The following RPGRIP1 variants were observed in gnomAD, a reference collection of about 807,000 sequenced individuals.
The protein encoded by RPGRIP1 is RPGR interacting protein 1, also known as X-linked retinitis pigmentosa GTPase regulator-interacting protein 1.
Under a neutral mutation model 157.9 loss-of-function variants are expected in RPGRIP1, and 128 were observed. The ratio of observed to expected loss-of-function variants is 0.81; its 90% CI spans 0.70 to 0.94. The LOEUF (loss-of-function observed/expected upper bound fraction) is 0.94, where lower values mean the gene tolerates loss of function less well. Ranked by LOEUF, RPGRIP1 falls within the 40% of genes least tolerant of loss-of-function variation. The probability of loss-of-function intolerance (pLI) is 0.00; values close to 1 mark genes in which losing one functional copy is unlikely to be tolerated. For synonymous variants in RPGRIP1, 554 were observed against 571.6 expected (o/e 0.97, Z 0.44); for missense variants, 1,486 against 1,545.8 (o/e 0.96, Z 0.65).
In RPGRIP1 at chr14:21,301,173, C is replaced by T; in HGVS notation, c.426C>T (p.Arg142=). The T allele has an allele frequency of 1.3e-6, 2 of 1,595,094 alleles. No individual in the cohort carries two copies. The highest frequency in any genetic ancestry group is 1.7e-6 in the Non-Finnish European group (2 of 1,171,366). ...GPASPRRAQP[R]VQVGHRQLHT... ...CCAGCCCCCGCCGCGCCCAGCCTCG[C>T]GTCCAAGTGGGACACAGACAGCTCC... Residue 142 remains arginine (R), a synonymous_variant, in exon 4 of 25, where the codon CGC becomes CGT. Transcript: ENST00000400017.
At chr14:21,311,067 A>G (rs1053194871) in intron 8 of RPGRIP1, 9 of 412,292 alleles carry the variant, frequency 2.2e-5, no homozygotes, top group African/African-American at 1.8e-4. Flanking sequence ...GTTCCAAACG[A>G]GACCACCCAG....
Position 21,281,706 on chromosome 14 carries a change from ATAAT to A in RPGRIP1, c.-39+1548_-39+1551del, listed in dbSNP as rs1295458680. On this transcript the variant is annotated intron_variant, in intron 1 of 24. Coordinates refer to ENST00000400017, the MANE Select transcript of RPGRIP1 (RefSeq NM_020366.4). ...CTTGTCTCAAAAAAAAAAAAAATAA[ATAAT>A]AATAATAATAATAATAATAATAATA... is the stretch of plus-strand genomic sequence containing the variant. Among the ~76,000 whole-genome samples the A allele has an allele frequency of 2.5e-3, 340 of 136,104 alleles. 4 individuals carry two copies. Among genetic ancestry groups the A allele is most frequent in the African/African-American group, 8.0e-3 (258 of 32,448 alleles). 89.3% of individuals were successfully genotyped at this position (136,104 alleles called of 152,430 possible).
intron 20 of RPGRIP1, among the ~76,000 whole-genome samples, chr14:21,331,219 T>G (rs1355826102): frequency 6.6e-6 from 1 of 151,572 alleles, no homozygotes; most frequent in Non-Finnish European, 1.5e-5. Context: ...TAGTTTTGAT[T>G]TTCTCATTAA....
chr14:21,323,702 C>T (rs911095323), intron 14 of RPGRIP1, among the ~76,000 whole-genome samples: 2 of 151,998 alleles, frequency 1.3e-5, no homozygotes, highest in Admixed American at 6.6e-5. Flanking sequence ...GAGATTATTA[C>T]TCCTGCATCA....
chr14:21,298,431 C>T (rs1258228165), intron 3 of RPGRIP1, among the ~76,000 whole-genome samples: 1 of 151,122 alleles, frequency 6.6e-6, no homozygotes, highest in Non-Finnish European at 1.5e-5. Flanking sequence ...ACCCAGGAGG[C>T]GGAGGTTGTA....
At chr14:21,314,686 C>G (rs1881693052) in intron 10 of RPGRIP1, among the ~76,000 whole-genome samples, 2 of 147,460 alleles carry the variant, frequency 1.4e-5, no homozygotes, top group African/African-American at 5.1e-5. Flanking sequence ...ACACTCCAGC[C>G]TGGGCAACAA....
intron 13 of RPGRIP1, 130 bp downstream of exon 13, chr14:21,321,532 A>C: frequency 6.9e-7 from 1 of 1,456,252 alleles, no homozygotes; most frequent in Non-Finnish European, 9.0e-7. Flanking sequence ...GAGCAAACAC[A>C]CAATGGCTGT....
At chr14:21,280,538 G>C (rs916838067) in intron 1 of RPGRIP1, among the ~76,000 whole-genome samples, 1 of 152,010 alleles carries the variant, frequency 6.6e-6, no homozygotes, top group African/African-American at 2.4e-5. Flanking sequence ...GAGCCACCGC[G>C]CCTGGCCTGG....
chr14:21,292,809 C>T (rs1175589823), intron 2 of RPGRIP1, among the ~76,000 whole-genome samples: 1 of 151,878 alleles, frequency 6.6e-6, no homozygotes, highest in African/African-American at 2.4e-5. Flanking sequence ...AAGACAGCAC[C>T]ACTACACTCC....
chr14:21,307,958 A>G (rs2139169312), intron 7 of RPGRIP1, 122 bp downstream of exon 7: 2 of 624,640 alleles, frequency 3.2e-6, no homozygotes, highest in Non-Finnish European at 5.7e-6. Flanking sequence ...TATAAGTGAT[A>G]TCACACAATT....
At chr14:21,299,777 G>A (rs2009863) in intron 3 of RPGRIP1, among the ~76,000 whole-genome samples, 142,103 of 152,256 alleles carry the variant, frequency 0.93, 66,373 homozygotes, top group East Asian at 1. Context: ...AAAATACCAC[G>A]GACTGGGTGG....
intron 21 of RPGRIP1, among the ~76,000 whole-genome samples, chr14:21,342,676 C>G (rs1249657571): frequency 6.6e-6 from 1 of 152,098 alleles, no homozygotes; most frequent in Non-Finnish European, 1.5e-5. Context: ...GCACATTGTT[C>G]CCACCAAGCA....
intron 21 of RPGRIP1, among the ~76,000 whole-genome samples, chr14:21,337,846 C>T (rs1172674759): frequency 1.3e-5 from 2 of 151,286 alleles, no homozygotes; most frequent in Admixed American, 6.6e-5. Flanking sequence ...ACCTCCGCCT[C>T]CCGGGTTCAA....
intron 23 of RPGRIP1, among the ~76,000 whole-genome samples, chr14:21,347,667 T>G (rs1443481390): frequency 6.6e-6 from 1 of 152,108 alleles, no homozygotes. Context: ...AGAAAGTAGA[T>G]TAGTGGTTCA....
At position 21,334,710 on chromosome 14, in the gene RPGRIP1, GT is replaced by G. The variant is rs1345381290; in HGVS notation, c.3339+6del. 2 of 1,519,790 alleles carry G rather than the reference GT, an allele frequency of 1.3e-6. No individual in the cohort carries two copies. Among genetic ancestry groups the G allele is most frequent in the African/African-American group, 2.8e-5 (2 of 71,006 alleles). The allele number at this position is 1,519,790 out of a possible 1,614,324, so 94.1% of individuals were successfully genotyped here. A position where few individuals can be genotyped will look rare whatever the true frequency, so the allele number is the denominator to read the frequency against. On this transcript the variant is annotated splice_donor_region_variant and intron_variant, in intron 21 of 24. Transcript: ENST00000400017. ...TCTCAGAAATATCCTAAGGCAGTAA[GT>G]ACACTGGAGTAATCATTGCATACGA...
rs1881583646 is a variant in RPGRIP1, at chr14:21,312,525, T to A, written c.1151+19T>A. On this transcript the variant is annotated intron_variant, in intron 10 of 24. Coordinates refer to ENST00000400017, the MANE Select transcript of RPGRIP1 (RefSeq NM_020366.4). ...TAGAAAGGTGAGTACCACATTTGGG[T>A]CCCAGAGCAGTGTTACTATGAAAGA... 3 of 1,551,586 alleles carry A rather than the reference T, an allele frequency of 1.9e-6. No homozygotes were observed. Among genetic ancestry groups the A allele is most frequent in the African/African-American group, 1.4e-5 (1 of 73,632 alleles).
intron 22 of RPGRIP1, among the ~76,000 whole-genome samples, chr14:21,344,217 C>T (rs1022812897): frequency 1.4e-4 from 22 of 151,852 alleles, no homozygotes; most frequent in African/African-American, 5.3e-4. Flanking sequence ...CTTGCAGAAC[C>T]AAGTAGTATG....
chr14:21,300,782 A>G lies in RPGRIP1; in HGVS notation c.219-184A>G, dbSNP rs528417375. Reference sequence around the variant, plus strand: ...CAATAAAATAAAGACAGGTATCACAATGGCCCTGCCCTCAAAGAGTTACAG... The same window carrying G: ...CAATAAAATAAAGACAGGTATCACAGTGGCCCTGCCCTCAAAGAGTTACAG... On this transcript the variant is annotated intron_variant, in intron 3 of 24. Transcript: ENST00000400017. 1.5e-3 allele frequency among the ~76,000 whole-genome samples: 226 copies of G among 150,070 alleles called. 1 individual carries two copies. Among genetic ancestry groups the G allele is most frequent in the African/African-American group, 5.5e-3 (223 of 40,620 alleles).
chr14:21,325,072 T>C lies in RPGRIP1; in HGVS notation c.2215+2T>C. The C allele has an allele frequency of 6.2e-7, 1 of 1,603,526 alleles. No homozygotes were observed. The highest frequency in any genetic ancestry group is 8.5e-7 in the Non-Finnish European group (1 of 1,172,368). ...TCCATGGCTTGGCCACACTGATTGG[T>C]AAGTGCCGTTGGCTTCCTGCGGCTC... On this transcript the variant is annotated splice_donor_variant, in intron 15 of 24. Transcript: ENST00000400017. LOFTEE classifies it high-confidence loss of function.
Sources: allele counts gnomAD v4.1 joint callset (sites outside exome capture counted in the v4.1 genomes callset), GRCh38; gene constraint gnomAD v4.1.1; transcripts MANE v1.5; gene names NCBI Gene and HGNC (gene_info 2026-07-23, HGNC 2026-07-21).